The following PITPNC1 variants were observed in gnomAD, a reference collection of about 807,000 sequenced individuals.
PITPNC1 encodes cytoplasmic phosphatidylinositol transfer protein 1.
In PITPNC1, 18 loss-of-function variants were observed where a neutral mutation model predicts 44.7. That is an observed-to-expected ratio of 0.40 (90% CI 0.28 to 0.60). The LOEUF (loss-of-function observed/expected upper bound fraction) is 0.60. Among genes scored for constraint, PITPNC1 ranks in the 20% least tolerant of loss-of-function variants. The probability of loss-of-function intolerance (pLI) is 0.39; values close to 1 mark genes in which losing one functional copy is unlikely to be tolerated. For synonymous variants in PITPNC1, 141 were observed against 149.6 expected, an observed-to-expected ratio of 0.94 and a Z score of 0.42; for missense variants, 290 against 418.4, an observed-to-expected ratio of 0.69 and a Z score of 2.68.
At chr17:67,687,221 C>A in intron 8 of PITPNC1, 1 of 1,054,508 alleles carries the variant, frequency 9.5e-7, no homozygotes, top group Non-Finnish European at 1.5e-6. Flanking sequence ...CCCACCCTTT[C>A]ACAAATGCAC....
intron 2 of PITPNC1, among the ~76,000 whole-genome samples, chr17:67,534,383 A>C (rs2040501244): frequency 6.6e-6 from 1 of 152,028 alleles, no homozygotes; most frequent in South Asian, 2.1e-4. Flanking sequence ...CACACCTATA[A>C]TCCCAGCACT....
intron 1 of PITPNC1, among the ~76,000 whole-genome samples, chr17:67,404,517 G>A (rs770760880): frequency 1.3e-5 from 2 of 151,958 alleles, no homozygotes; most frequent in Non-Finnish European, 2.9e-5. Flanking sequence ...TTTAAGTCAG[G>A]GCTTTAAAAA....
chr17:67,456,617 T>A (rs1327148517), intron 1 of PITPNC1, among the ~76,000 whole-genome samples: 1 of 152,132 alleles, frequency 6.6e-6, no homozygotes, highest in East Asian at 1.9e-4. Flanking sequence ...AATTACCCTA[T>A]CACCTCCCCC....
intron 4 of PITPNC1, among the ~76,000 whole-genome samples, chr17:67,559,122 C>T (rs1224512800): frequency 6.6e-6 from 1 of 152,162 alleles, no homozygotes; most frequent in African/African-American, 2.4e-5. Flanking sequence ...GTTTAGAGAC[C>T]AGTGACCCCC....
intron 1 of PITPNC1, among the ~76,000 whole-genome samples, chr17:67,511,580 C>G (rs554792183): frequency 1.3e-5 from 2 of 151,656 alleles, no homozygotes; most frequent in East Asian, 3.9e-4. Flanking sequence ...GCGATCTCAG[C>G]TCACTGCAAC....
intron 1 of PITPNC1, among the ~76,000 whole-genome samples, chr17:67,521,717 C>A (rs973373256): frequency 6.6e-6 from 1 of 152,148 alleles, no homozygotes; most frequent in Non-Finnish European, 1.5e-5. Flanking sequence ...TAAAAATACA[C>A]GCTGCTTTCC....
intron 6 of PITPNC1, among the ~76,000 whole-genome samples, chr17:67,647,828 T>C (rs1353007929): frequency 6.6e-6 from 1 of 152,086 alleles, no homozygotes; most frequent in Non-Finnish European, 1.5e-5. Flanking sequence ...CCTCAGTTCA[T>C]CTCTCAGTTC....
chr17:67,645,371 G>C (rs1187222779), intron 6 of PITPNC1, among the ~76,000 whole-genome samples: 1 of 151,072 alleles, frequency 6.6e-6, no homozygotes, highest in Non-Finnish European at 1.5e-5. Flanking sequence ...AAGAGAAAGT[G>C]ATTTGTTTTG....
At chr17:67,410,444 C>T (rs968727351) in intron 1 of PITPNC1, among the ~76,000 whole-genome samples, 3 of 152,100 alleles carry the variant, frequency 2.0e-5, no homozygotes, top group African/African-American at 4.8e-5. Flanking sequence ...GGTGCAGTGG[C>T]GCAATCACAG....
At chr17:67,457,258 C>T (rs1289405538) in intron 1 of PITPNC1, 1 of 152,296 alleles carries the variant, frequency 6.6e-6, no homozygotes, top group Non-Finnish European at 1.5e-5. Flanking sequence ...TCTGAAGTTG[C>T]TGGGACTATA....
chr17:67,413,044 T>C (rs1232526212), intron 1 of PITPNC1, among the ~76,000 whole-genome samples: 1 of 152,248 alleles, frequency 6.6e-6, no homozygotes, highest in Non-Finnish European at 1.5e-5. Flanking sequence ...AATGGAAAGA[T>C]AGGAATAGAA....
chr17:67,440,701 T>G (rs1386158742), intron 1 of PITPNC1, among the ~76,000 whole-genome samples: 1 of 150,072 alleles, frequency 6.7e-6, no homozygotes, highest in Non-Finnish European at 1.5e-5. Flanking sequence ...CCTGGCTGAT[T>G]TTTTTTTTGA....
At chr17:67,485,414 C>T (rs181334707) in intron 1 of PITPNC1, among the ~76,000 whole-genome samples, 4 of 149,070 alleles carry the variant, frequency 2.7e-5, no homozygotes, top group Admixed American at 2.7e-4. Context: ...GCTCTGTCGC[C>T]CAGGCAGTGG....
chr17:67,462,911 A>G (rs1162497599), intron 1 of PITPNC1, among the ~76,000 whole-genome samples: 1 of 152,080 alleles, frequency 6.6e-6, no homozygotes, highest in African/African-American at 2.4e-5. Flanking sequence ...CATGTTGGTT[A>G]GGTTGGTCTC....
At chr17:67,683,033 G>C (rs1015720986) in intron 8 of PITPNC1, among the ~76,000 whole-genome samples, 1 of 151,960 alleles carries the variant, frequency 6.6e-6, no homozygotes, top group African/African-American at 2.4e-5. Flanking sequence ...GGTGGCGGGT[G>C]CCTGTAATCC....
In PITPNC1 at chr17:67,569,919, T is replaced by G. The variant is rs114064416; in HGVS notation, c.295-8267T>G. 6.6e-3 allele frequency among the ~76,000 whole-genome samples: 1,001 copies of G among 152,288 alleles called. 16 individuals are homozygous for G. Among genetic ancestry groups the G allele is most frequent in the African/African-American group, 0.023 (945 of 41,556 alleles). On this transcript the variant is annotated intron_variant, in intron 4 of 8. Transcript: ENST00000581322. Reference sequence around the variant, plus strand: ...GAGAGAGATAAAAAAGAAAAGATTTTTCATGAGAAAGAGGATTCGAGACCT... The same window carrying G: ...GAGAGAGATAAAAAAGAAAAGATTTGTCATGAGAAAGAGGATTCGAGACCT...
At chr17:67,510,649 A>C (rs2040173633) in intron 1 of PITPNC1, among the ~76,000 whole-genome samples, 1 of 152,012 alleles carries the variant, frequency 6.6e-6, no homozygotes, top group Non-Finnish European at 1.5e-5. Context: ...CTCAGGCTGG[A>C]GTGCAGTGGT....
intron 5 of PITPNC1, among the ~76,000 whole-genome samples, chr17:67,630,130 G>A (rs2144329226): frequency 6.6e-6 from 1 of 152,324 alleles, no homozygotes. Context: ...GTGGGAGACT[G>A]TGTTAATAGG....
At chr17:67,673,254 T>C (rs2042543870) in intron 7 of PITPNC1, among the ~76,000 whole-genome samples, 1 of 152,192 alleles carries the variant, frequency 6.6e-6, no homozygotes, top group Admixed American at 6.5e-5. Context: ...CACGAGAGGT[T>C]TTTCACAATC....
Sources: allele counts gnomAD v4.1 joint callset (sites outside exome capture counted in the v4.1 genomes callset), GRCh38; gene constraint gnomAD v4.1.1; transcripts MANE v1.5; gene names NCBI Gene and HGNC (gene_info 2026-07-23, HGNC 2026-07-21).